The following LAMC2 variants were observed in gnomAD, a reference collection of about 807,000 sequenced individuals.
LAMC2 encodes laminin subunit gamma-2.
Under a neutral mutation model 140.2 loss-of-function variants are expected in LAMC2, and 97 were observed. That is an observed-to-expected ratio of 0.69 (90% CI 0.59 to 0.82). The LOEUF (loss-of-function observed/expected upper bound fraction) is 0.82, where lower values mean the gene tolerates loss of function less well. Among genes scored for constraint, LAMC2 ranks in the 40% least tolerant of loss-of-function variants. LAMC2 has a pLI of 0.00. For missense variants in LAMC2, 1,402 were observed against 1,476.1 expected, an observed-to-expected ratio of 0.95 and a Z score of 0.82; for synonymous variants, 513 against 540.2, an observed-to-expected ratio of 0.95 and a Z score of 0.70.
chr1:183,215,394 C>G, intron 2 of LAMC2, 59 bp from the exon 3 acceptor site: 2 of 1,597,358 alleles, frequency 1.3e-6, no homozygotes, highest in Non-Finnish European at 1.7e-6. Context: ...GCTTCCAATG[C>G]CGCATACATT....
intron 22 of LAMC2, among the ~76,000 whole-genome samples, chr1:183,242,313 G>T (rs761126915): frequency 7.2e-5 from 11 of 152,138 alleles, no homozygotes; most frequent in Non-Finnish European, 1.2e-4. Context: ...TCTACTCTGT[G>T]TGCTCTCTTA....
At chr1:183,227,728 C>G in intron 10 of LAMC2, 31 bp downstream of exon 10, 1 of 1,600,716 alleles carries the variant, frequency 6.2e-7, no homozygotes, top group Non-Finnish European at 8.6e-7. Flanking sequence ...TGCCACCTGC[C>G]TCTTCCTGTC....
rs1186804472 is a variant in LAMC2, at chr1:183,226,731, C to T, written c.1100C>T (p.Ser367Leu). The stretch of plus-strand genomic sequence containing the variant: ...TACATTGACAATGTGACCCTGATTT[C>T]AGCCCGCCCTGTCTCTGGAGCCCCA... ...TGYIDNVTLI[S>L]ARPVSGAPAP... The change falls in exon 9 of 23, where the codon TCA becomes TTA. Residue 367 changes from serine to leucine, a missense_variant. Physicochemically the swap from Ser to Leu is moderately radical, Grantham distance 145 (BLOSUM62 -2). Transcript: ENST00000264144. 9 of 1,614,132 alleles carry T rather than the reference C, an allele frequency of 5.6e-6. No individual in the cohort carries two copies. Among genetic ancestry groups the T allele is most frequent in the Non-Finnish European group, 7.6e-6 (9 of 1,180,050 alleles).
chr1:183,193,294 C>T (rs563635346), intron 1 of LAMC2, among the ~76,000 whole-genome samples: 1 of 152,312 alleles, frequency 6.6e-6, no homozygotes, highest in African/African-American at 2.4e-5. Flanking sequence ...TGGAATTGAC[C>T]AAGTGGCTCA....
chr1:183,227,437 A>G, intron 9 of LAMC2, 78 bp from the exon 10 acceptor site: 1 of 1,346,238 alleles, frequency 7.4e-7, no homozygotes, highest in East Asian at 2.3e-5. Flanking sequence ...GACATTCTAC[A>G]CTCTGACCCA....
At chr1:183,237,768 C>A (rs1660012292) in intron 18 of LAMC2, among the ~76,000 whole-genome samples, 1 of 152,134 alleles carries the variant, frequency 6.6e-6, no homozygotes, top group Non-Finnish European at 1.5e-5. Context: ...TGCCTATAGT[C>A]CTAGCTACTT....
At chr1:183,252,410 C>T in the LAMC2 span, 1 of 411,416 alleles carries the variant, frequency 2.4e-6, no homozygotes, top group South Asian at 2.1e-5. Flanking sequence ...CCGACTCCCA[C>T]CCCATTCCCT....
At chr1:183,213,748 CAAAA>C (rs529019896) in intron 2 of LAMC2, among the ~76,000 whole-genome samples, 6 of 68,164 alleles carry the variant, frequency 8.8e-5, no homozygotes, top group African/African-American at 1.8e-4. Context: ...TGCAGTGAGC[CAAAA>C]AAAAAAAAAA....
intron 5 of LAMC2, among the ~76,000 whole-genome samples, chr1:183,221,368 AC>A (rs1204060082): frequency 3.3e-5 from 5 of 152,232 alleles, no homozygotes; most frequent in Admixed American, 3.3e-4. Flanking sequence ...TTCCCAAGCT[AC>A]AGAACACTAT....
At chr1:183,194,888 G>T (rs143005665) in intron 1 of LAMC2, among the ~76,000 whole-genome samples, 1 of 152,318 alleles carries the variant, frequency 6.6e-6, no homozygotes, top group African/African-American at 2.4e-5. Flanking sequence ...CTTTATTTCT[G>T]TGGTCAGAAG....
At position 183,211,384 on chromosome 1, in the gene LAMC2, T is replaced by C. The variant is rs997573802; in HGVS notation, c.268+3315T>C. Among the ~76,000 whole-genome samples, 16 of 152,382 alleles carry C rather than the reference T, an allele frequency of 1.0e-4. No homozygotes were observed. The East Asian group carries it at 2.9e-3, about 28-fold the overall frequency. ...TATCTTTGATGCTTACAGTGTATTATTCAGACTATAACATTTGAGTAATTA... is the reference window on the plus strand; with the variant it reads ...TATCTTTGATGCTTACAGTGTATTACTCAGACTATAACATTTGAGTAATTA... On this transcript the variant is annotated intron_variant, in intron 2 of 22. Transcript: ENST00000264144.
rs1054571866 is a variant in LAMC2, at chr1:183,245,011, G to T, written c.*1611G>T. On this transcript the variant is annotated 3_prime_UTR_variant, in exon 23 of 23. Transcript: ENST00000264144. ...ATAGGTCCTAGAGTTAGCATCTTCA[G>T]TTCCCACTTCTGAGCATCTTACTTC... is the stretch of plus-strand genomic sequence containing the variant. 3 of 152,198 alleles carry T rather than the reference G, an allele frequency of 2.0e-5. No homozygotes were observed. The highest frequency in any genetic ancestry group is 7.2e-5 in the African/African-American group (3 of 41,440). The allele number at this position is 152,198 out of a possible 1,614,324, so 9.4% of individuals were successfully genotyped here. A position where few individuals can be genotyped will look rare whatever the true frequency, so the allele number is the denominator to read the frequency against.
chr1:183,192,469 G>C (rs1179030117), intron 1 of LAMC2, among the ~76,000 whole-genome samples: 2 of 152,146 alleles, frequency 1.3e-5, no homozygotes, highest in African/African-American at 2.4e-5. Flanking sequence ...ATGAGAGTGG[G>C]CCTCAGGGGT....
At chr1:183,191,070 G>A (rs576920137) in intron 1 of LAMC2, among the ~76,000 whole-genome samples, 1 of 152,262 alleles carries the variant, frequency 6.6e-6, no homozygotes, top group South Asian at 2.1e-4. Flanking sequence ...TTACTGATAA[G>A]TCTCCAATAC....
At chr1:183,203,157 A>C (rs756030360) in intron 1 of LAMC2, among the ~76,000 whole-genome samples, 1 of 152,236 alleles carries the variant, frequency 6.6e-6, no homozygotes. Flanking sequence ...AATAGATTTC[A>C]TACACAAAGC....
rs149849234 is a variant in LAMC2 at position 183,201,235 on chromosome 1, C to T, written c.80-6646C>T. 2.2e-3 allele frequency among the ~76,000 whole-genome samples: 338 copies of T among 152,252 alleles called. 5 individuals carry two copies. Among genetic ancestry groups the T allele is most frequent in the African/African-American group, 7.5e-3 (310 of 41,554 alleles). ...GAGTTCAGTGAAAGATGGAGAGAAA[C>T]CTGCTTGTTTTGTTTACTGACCTTA... On this transcript the variant is annotated intron_variant, in intron 1 of 22. Coordinates refer to ENST00000264144, the MANE Select transcript of LAMC2 (RefSeq NM_005562.3).
In LAMC2 at chr1:183,239,380, G is replaced by T. The variant is rs772895907; in HGVS notation, c.2886G>T (p.Val962=). 4 of 1,614,130 alleles carry T rather than the reference G, an allele frequency of 2.5e-6. No homozygotes were observed. The Admixed American group carries it at 6.7e-5, about 27-fold the overall frequency. The change falls in exon 20 of 23, where the codon GTG becomes GTT. Residue 962 remains valine, a synonymous_variant. Transcript: ENST00000264144. Reference sequence around the variant, plus strand: ...TCATTTCAGAGTTTGACCTGCAGGTGGACAACAGAAAAGCAGAAGCTGAAG... The same window carrying T: ...TCATTTCAGAGTTTGACCTGCAGGTTGACAACAGAAAAGCAGAAGCTGAAG... ...LKNLREFDLQ[V]DNRKAEAEEA...
rs763323669 is a variant in LAMC2, at chr1:183,236,448, C to T, written c.2457-12C>T. On this transcript the variant is annotated splice_polypyrimidine_tract_variant and intron_variant, in intron 16 of 22. Coordinates refer to ENST00000264144, the MANE Select transcript of LAMC2 (RefSeq NM_005562.3). ...CTTTTTATTACCGCCCCCTCCCCAC[C>T]CCCAACACCAGATTGGAGAAAACCA... 3 of 1,613,362 alleles carry T rather than the reference C, an allele frequency of 1.9e-6. No homozygotes were observed. Among genetic ancestry groups the T allele is most frequent in the Non-Finnish European group, 2.5e-6 (3 of 1,179,796 alleles).
intron 20 of LAMC2, 26 bp from the exon 21 acceptor site, chr1:183,240,014 G>T: frequency 1.2e-6 from 2 of 1,613,904 alleles, no homozygotes; most frequent in Non-Finnish European, 1.7e-6. Flanking sequence ...CTCTCCTTCC[G>T]TCCCTGGCTC....
Sources: allele counts gnomAD v4.1 joint callset (sites outside exome capture counted in the v4.1 genomes callset), GRCh38; gene constraint gnomAD v4.1.1; transcripts MANE v1.5; gene names NCBI Gene and HGNC (gene_info 2026-07-23, HGNC 2026-07-21).